Variants in FAM107B observed in about 807,000 individuals in gnomAD.
FAM107B encodes family with sequence similarity 107 member B, also known as protein FAM107B.
A neutral mutation model predicts 31.5 loss-of-function variants in FAM107B; 21 were observed. That is an observed-to-expected ratio of 0.67 (90% CI 0.47 to 0.96). FAM107B has a LOEUF of 0.96. Among genes scored for constraint, FAM107B ranks in the 40% least tolerant of loss-of-function variants. The probability of loss-of-function intolerance (pLI) is 0.00; values close to 1 mark genes in which losing one functional copy is unlikely to be tolerated. For synonymous variants in FAM107B, 157 were observed against 141.5 expected (o/e 1.11, Z -0.78); for missense variants, 452 against 377.1 (o/e 1.20, Z -1.64).
At chr10:14,710,487 A>T (rs1205061770) in intron 1 of FAM107B, among the ~76,000 whole-genome samples, 2 of 151,566 alleles carry the variant, frequency 1.3e-5, no homozygotes, top group African/African-American at 4.9e-5. Flanking sequence ...CAAAATGTTT[A>T]AAAATACCAA....
At chr10:14,669,133 C>T (rs868355133) in intron 1 of FAM107B, among the ~76,000 whole-genome samples, 1 of 151,946 alleles carries the variant, frequency 6.6e-6, no homozygotes, top group Non-Finnish European at 1.5e-5. Context: ...TTTGGGAGGC[C>T]GAGGCGGGTG....
At chr10:14,764,754 G>C (rs750051882) in intron 1 of FAM107B, among the ~76,000 whole-genome samples, 1 of 152,172 alleles carries the variant, frequency 6.6e-6, no homozygotes, top group Non-Finnish European at 1.5e-5. Context: ...TTCCTAGACC[G>C]TAAGACATTT....
intron 1 of FAM107B, among the ~76,000 whole-genome samples, chr10:14,762,752 TCTCACACACACACACACACACA>T (rs1345750966): frequency 4.3e-5 from 5 of 117,502 alleles, no homozygotes; most frequent in African/African-American, 1.3e-4. Flanking sequence ...TGAAACTCTG[TCTCACACACACACACACACACA>T]CACACACACA....
At chr10:14,616,761 C>CA (rs1357437722) in intron 2 of FAM107B, among the ~76,000 whole-genome samples, 11 of 152,026 alleles carry the variant, frequency 7.2e-5, no homozygotes, top group Admixed American at 2.6e-4. Flanking sequence ...TGCCTCTGCA[C>CA]AAAAAATACA....
intron 2 of FAM107B, among the ~76,000 whole-genome samples, chr10:14,588,072 C>T (rs933371297): frequency 6.6e-6 from 1 of 151,974 alleles, no homozygotes; most frequent in African/African-American, 2.4e-5. Flanking sequence ...TATTAATCGA[C>T]GTGACGTTAG....
At chr10:14,595,142 T>C (rs2031618) in intron 2 of FAM107B, among the ~76,000 whole-genome samples, 31,469 of 150,252 alleles carry the variant, frequency 0.21, 3,465 homozygotes, top group East Asian at 0.38. Flanking sequence ...AAAACTGGAC[T>C]GGGGGGAGGC....
At chr10:14,707,116 A>G (rs536203873) in intron 1 of FAM107B, among the ~76,000 whole-genome samples, 13 of 152,110 alleles carry the variant, frequency 8.5e-5, no homozygotes, top group African/African-American at 2.9e-4. Flanking sequence ...ACAGAGCAAG[A>G]CTCTGTCTCA....
chr10:14,538,383 G>A (rs1310243957), intron 2 of FAM107B, among the ~76,000 whole-genome samples: 1 of 152,200 alleles, frequency 6.6e-6, no homozygotes, highest in African/African-American at 2.4e-5. Context: ...ATGCAGCAAT[G>A]AGAATGAACT....
intron 1 of FAM107B, among the ~76,000 whole-genome samples, chr10:14,761,392 A>T (rs1833044901): frequency 6.6e-6 from 1 of 152,214 alleles, no homozygotes; most frequent in African/African-American, 2.4e-5. Context: ...TGTTAAAAGT[A>T]CCCATACAGT....
chr10:14,652,300 A>T (rs1199203279), intron 2 of FAM107B, among the ~76,000 whole-genome samples: 1 of 152,248 alleles, frequency 6.6e-6, no homozygotes, highest in Non-Finnish European at 1.5e-5. Context: ...TCTAAAGAGC[A>T]CCAGATCCCA....
chr10:14,658,252 T>C (rs1468441266), intron 2 of FAM107B, among the ~76,000 whole-genome samples: 2 of 152,202 alleles, frequency 1.3e-5, no homozygotes, highest in Admixed American at 1.3e-4. Context: ...AGGTCAGGTC[T>C]TCACTGAAAG....
chr10:14,566,071 T>C (rs573276016), intron 2 of FAM107B, among the ~76,000 whole-genome samples: 2 of 152,318 alleles, frequency 1.3e-5, no homozygotes, highest in South Asian at 2.1e-4. Flanking sequence ...TGTTACCATC[T>C]TGAAATTCTT....
At chr10:14,628,113 T>G (rs201941958) in intron 2 of FAM107B, among the ~76,000 whole-genome samples, 30 of 61,056 alleles carry the variant, frequency 4.9e-4, no homozygotes, top group Admixed American at 3.5e-3. Context: ...GTTTTGCTGG[T>G]TTTTTTTTTT....
chr10:14,537,533 T>C (rs1233599101), intron 2 of FAM107B, among the ~76,000 whole-genome samples: 1 of 152,146 alleles, frequency 6.6e-6, no homozygotes, highest in Non-Finnish European at 1.5e-5. Context: ...AGGGTTGCTA[T>C]GAAGAGTAAA....
intron 2 of FAM107B, among the ~76,000 whole-genome samples, chr10:14,581,162 G>A (rs1001963839): frequency 6.6e-6 from 1 of 152,190 alleles, no homozygotes; most frequent in Non-Finnish European, 1.5e-5. Context: ...TGCAGTGCTC[G>A]GAAGAAAAAT....
intron 2 of FAM107B, among the ~76,000 whole-genome samples, chr10:14,629,316 A>AT (rs1368554026): frequency 6.4e-5 from 5 of 78,324 alleles, no homozygotes; most frequent in Non-Finnish European, 1.0e-4. Flanking sequence ...TAATATATAT[A>AT]ATATATAAAT....
chr10:14,562,757 C>A (rs1850347743), intron 2 of FAM107B, among the ~76,000 whole-genome samples: 1 of 152,218 alleles, frequency 6.6e-6, no homozygotes. Context: ...ACTTGAACTT[C>A]CAGCCATAAA....
intron 1 of FAM107B, among the ~76,000 whole-genome samples, chr10:14,721,297 T>C (rs555208737): frequency 1.3e-5 from 2 of 152,296 alleles, no homozygotes; most frequent in Non-Finnish European, 1.5e-5. Context: ...ATAGTGCCGC[T>C]ATAAACATAC....
chr10:14,675,344 T>C (rs770696145), intron 1 of FAM107B, among the ~76,000 whole-genome samples: 1 of 152,180 alleles, frequency 6.6e-6, no homozygotes, highest in Non-Finnish European at 1.5e-5. Flanking sequence ...CTCATTTGTC[T>C]GGTGGATAGG....
Sources: allele counts gnomAD v4.1 joint callset (sites outside exome capture counted in the v4.1 genomes callset), GRCh38; gene constraint gnomAD v4.1.1; transcripts MANE v1.5; gene names NCBI Gene and HGNC (gene_info 2026-07-23, HGNC 2026-07-21).